ATAD2B: variants seen among roughly 807,000 people sequenced by gnomAD.
The protein encoded by ATAD2B is ATPase family AAA domain-containing protein 2B.
A neutral mutation model predicts 167.6 loss-of-function variants in ATAD2B; 40 were observed. The observed-to-expected ratio is 0.24, with a 90% CI of 0.19 to 0.31. The LOEUF is 0.31. Among genes scored for constraint, ATAD2B ranks in the 10% least tolerant of loss-of-function variants. ATAD2B has a pLI of 1.00. For missense variants in ATAD2B, 1,242 were observed against 1,757.2 expected (o/e 0.71, Z 5.24); for synonymous variants, 579 against 596.5 (o/e 0.97, Z 0.43).
chr2:23,717,325 G>T, the ATAD2B span, among the ~76,000 whole-genome samples: 3 of 152,170 alleles, frequency 2.0e-5, no homozygotes, highest in Non-Finnish European at 4.4e-5. Flanking sequence ...TTGTGCCCCA[G>T]CTCTCGGGGT....
At chr2:23,925,661 C>T (rs1340415415) in intron 1 of ATAD2B, among the ~76,000 whole-genome samples, 1 of 152,196 alleles carries the variant, frequency 6.6e-6, no homozygotes, top group Non-Finnish European at 1.5e-5. Flanking sequence ...CTGTGCTTAG[C>T]TTTATAATGT....
chr2:23,911,909 C>T (rs780760293), intron 1 of ATAD2B, among the ~76,000 whole-genome samples: 1 of 147,174 alleles, frequency 6.8e-6, no homozygotes, highest in African/African-American at 2.5e-5. Context: ...TGGGAGGCTG[C>T]GGTTGCAGTG....
At chr2:23,721,129 C>A in the ATAD2B span, among the ~76,000 whole-genome samples, 3 of 152,192 alleles carry the variant, frequency 2.0e-5, no homozygotes, top group Non-Finnish European at 4.4e-5. Context: ...CTTGAGCCAG[C>A]CAAACTGCTA....
At chr2:23,782,796 A>G in intron 22 of ATAD2B, 73 bp downstream of exon 22, 1 of 1,300,642 alleles carries the variant, frequency 7.7e-7, no homozygotes, top group Non-Finnish European at 1.1e-6. Flanking sequence ...GAACACAGGC[A>G]TGACTTAGTA....
At chr2:23,764,675 C>G (rs1268448473) in intron 23 of ATAD2B, among the ~76,000 whole-genome samples, 2 of 152,122 alleles carry the variant, frequency 1.3e-5, no homozygotes, top group African/African-American at 4.8e-5. Context: ...ATTAGGTGGT[C>G]AGGGAAGAGC....
At chr2:23,873,028 G>C (rs568034468) in intron 8 of ATAD2B, 15 of 644,772 alleles carry the variant, frequency 2.3e-5, no homozygotes, top group African/African-American at 2.1e-4. Flanking sequence ...AGCGGGCTGG[G>C]GAGGCCCTAC....
intron 1 of ATAD2B, among the ~76,000 whole-genome samples, chr2:23,924,695 A>T (rs780824855): frequency 4.7e-4 from 71 of 152,228 alleles, no homozygotes; most frequent in Non-Finnish European, 1.0e-3. Context: ...CCTGTTATTT[A>T]TGGTGCTTTA....
Position 23,876,043 on chromosome 2 carries a change from G to A in ATAD2B, c.902-139C>T, listed in dbSNP as rs993737996. On this transcript the variant is annotated intron_variant, in intron 7 of 27. Coordinates refer to ENST00000238789, the MANE Select transcript of ATAD2B (RefSeq NM_017552.4). The stretch of plus-strand genomic sequence containing the variant: ...AGAGTCTTGCTCTAACGCCAGGCTG[G>A]AATGCAGTGGCGCGATCTCGGCTCA... 2.7e-5 allele frequency: 17 copies of A among 637,612 alleles called. No homozygotes were observed. In the African/African-American group the frequency reaches 2.8e-4, roughly 10 times the overall value. The allele number at this position is 637,612 out of a possible 1,614,324, so 39.5% of individuals were successfully genotyped here.
chr2:23,811,647 G>T (rs982206360), intron 17 of ATAD2B, among the ~76,000 whole-genome samples: 1 of 152,166 alleles, frequency 6.6e-6, no homozygotes, highest in African/African-American at 2.4e-5. Flanking sequence ...ACCTAATGCA[G>T]ATGACGGGTT....
the ATAD2B span, among the ~76,000 whole-genome samples, chr2:23,716,889 T>G: frequency 3.3e-5 from 5 of 152,166 alleles, no homozygotes; most frequent in African/African-American, 1.2e-4. Context: ...CTTTCCTATT[T>G]CCATCAGTGA....
chr2:23,883,854 T>C (rs988900578), intron 6 of ATAD2B, among the ~76,000 whole-genome samples: 8 of 152,180 alleles, frequency 5.3e-5, no homozygotes, highest in African/African-American at 1.9e-4. Flanking sequence ...CAATAAAGAT[T>C]AATGCCAGGC....
Position 23,926,764 on chromosome 2 carries a change from T to A in ATAD2B, c.7A>T (p.Asn3Tyr). The A allele has an allele frequency of 6.5e-7, 1 of 1,541,572 alleles. No homozygotes were observed. The highest frequency in any genetic ancestry group is 8.7e-7 in the Non-Finnish European group (1 of 1,143,154). Residue 3 changes from asparagine (N) to tyrosine (Y), a missense_variant, in exon 1 of 28, where the codon AAC becomes TAC. Around this residue, in one of 9 missense-constraint regions of ATAD2B, gnomAD observed 199 missense variants for 194.9 expected, o/e 1.02. Transcript: ENST00000238789. ...AGGCGGAGAGAGCTCTTCCGGGTGT[T>A]CACCATGGTCCAGCCAGGGGGACGG... is the stretch of plus-strand genomic sequence containing the variant. Reference protein sequence around the residue: MVNTRKSSLRLLG... With the variant: MVYTRKSSLRLLG...
chr2:23,837,181 T>C (rs934729616), intron 13 of ATAD2B, among the ~76,000 whole-genome samples: 19 of 152,206 alleles, frequency 1.2e-4, no homozygotes, highest in Non-Finnish European at 5.9e-5. Flanking sequence ...GGGGTTGGCA[T>C]GTAGCACTAA....
chr2:23,871,231 A>G (rs980799871), intron 8 of ATAD2B, among the ~76,000 whole-genome samples: 60 of 151,210 alleles, frequency 4.0e-4, no homozygotes, highest in African/African-American at 1.5e-3. Flanking sequence ...CTCCACCCCT[A>G]CCTAGGTTTC....
chr2:23,795,343 T>C (rs983743501), intron 19 of ATAD2B, among the ~76,000 whole-genome samples: 3 of 152,176 alleles, frequency 2.0e-5, no homozygotes, highest in East Asian at 1.9e-4. Context: ...CTTTTATTTT[T>C]GAGACACGGC....
chr2:23,829,463 C>T (rs1688718101), intron 14 of ATAD2B, among the ~76,000 whole-genome samples: 1 of 152,150 alleles, frequency 6.6e-6, no homozygotes, highest in South Asian at 2.1e-4. Flanking sequence ...AATTAAATAT[C>T]ATGCATGCCA....
At chr2:23,810,531 C>A in intron 17 of ATAD2B, 29 bp from the exon 18 acceptor site, 2 of 1,560,514 alleles carry the variant, frequency 1.3e-6, no homozygotes, top group South Asian at 1.2e-5. Context: ...ATAATTATTT[C>A]AAAGGCATAC....
chr2:23,820,465 T>A (rs1254113299), intron 16 of ATAD2B, among the ~76,000 whole-genome samples: 1 of 151,498 alleles, frequency 6.6e-6, no homozygotes, highest in Admixed American at 6.6e-5. Context: ...TAACTGGAAC[T>A]AAAATCTCTA....
rs1675740407 is a variant in ATAD2B at position 23,754,631 on chromosome 2, G to A, written c.4206+16C>T. The A allele has an allele frequency of 1.2e-6, 2 of 1,605,016 alleles. No homozygotes were observed. The highest frequency in any genetic ancestry group is 8.5e-7 in the Non-Finnish European group (1 of 1,176,726). On this transcript the variant is annotated intron_variant, in intron 26 of 27. Transcript: ENST00000238789. Reference sequence around the variant, plus strand: ...GTCCATTCATTTAAAACTTGACTGGGAATAGCTAAGCTTACCTTCAATCTC... The same window carrying A: ...GTCCATTCATTTAAAACTTGACTGGAAATAGCTAAGCTTACCTTCAATCTC...
Sources: gnomAD v4.1 joint callset for allele counts (sites outside exome capture counted in the v4.1 genomes callset) on GRCh38, gnomAD v4.1.1 for gene constraint, gnomAD v4.1.1 regional missense constraint, MANE v1.5 for transcripts, NCBI Gene and HGNC (gene_info 2026-07-23, HGNC 2026-07-21) for gene names.